SDK1: variants seen among roughly 807,000 people sequenced by gnomAD.
The protein encoded by SDK1 is protein sidekick-1.
A neutral mutation model predicts 245.5 loss-of-function variants in SDK1; 157 were observed. That is an observed-to-expected ratio of 0.64 (90% CI 0.56 to 0.73). The LOEUF is 0.73. SDK1 is among the 30% of genes least tolerant of loss of function. The probability of loss-of-function intolerance (pLI) is 0.00; values close to 1 mark genes in which losing one functional copy is unlikely to be tolerated. For missense variants in SDK1, 3,583 were observed against 3,002.3 expected (o/e 1.19, Z -4.52); for synonymous variants, 1,647 against 1,278.5 (o/e 1.29, Z -6.15).
At chr7:3,695,774 G>T (rs1784552274) in intron 4 of SDK1, among the ~76,000 whole-genome samples, 1 of 152,174 alleles carries the variant, frequency 6.6e-6, no homozygotes, top group South Asian at 2.1e-4. Flanking sequence ...AGTAAACAGA[G>T]AAGGCAACCG....
chr7:3,919,042 T>A (rs1779491952), intron 5 of SDK1, among the ~76,000 whole-genome samples: 1 of 152,206 alleles, frequency 6.6e-6, no homozygotes, highest in South Asian at 2.1e-4. Flanking sequence ...ATAATGACTG[T>A]TAACTAAATA....
rs371115110 is a variant in SDK1, at chr7:3,822,361, T to G, written c.847+778T>G. Among the ~76,000 whole-genome samples the G allele has an allele frequency of 1.3e-3, 197 of 152,322 alleles. 1 individual carries two copies. The highest frequency in any genetic ancestry group is 4.4e-3 in the African/African-American group (185 of 41,576). On this transcript the variant is annotated intron_variant, in intron 5 of 44. Transcript: ENST00000404826. ...AACTAGTCATGGCGGATGGTAAATTTCAAAATATTATTATCATATCATATG... is the reference window on the plus strand; with the variant it reads ...AACTAGTCATGGCGGATGGTAAATTGCAAAATATTATTATCATATCATATG...
At chr7:3,812,289 AACAC>A (rs1478904765) in intron 4 of SDK1, among the ~76,000 whole-genome samples, 4 of 152,372 alleles carry the variant, frequency 2.6e-5, no homozygotes, top group African/African-American at 9.6e-5. Context: ...TCATTAATTT[AACAC>A]ACATTTATCG....
chr7:4,070,166 AAAT>A (rs1780158374), intron 20 of SDK1, among the ~76,000 whole-genome samples: 3 of 152,240 alleles, frequency 2.0e-5, no homozygotes, highest in South Asian at 2.1e-4. Context: ...TAGTTGAAAG[AAAT>A]AATACTTGCA....
intron 1 of SDK1, among the ~76,000 whole-genome samples, chr7:3,462,042 G>A (rs549098911): frequency 6.6e-6 from 1 of 152,170 alleles, no homozygotes; most frequent in East Asian, 1.9e-4. Context: ...TCTTCTCTTT[G>A]CATTTACAGC....
At chr7:3,546,772 C>T (rs967454390) in intron 1 of SDK1, among the ~76,000 whole-genome samples, 5 of 152,204 alleles carry the variant, frequency 3.3e-5, no homozygotes, top group Non-Finnish European at 7.3e-5. Flanking sequence ...CTAGAAATCT[C>T]TCATATTAGT....
intron 17 of SDK1, among the ~76,000 whole-genome samples, chr7:4,029,007 G>A (rs373331748): frequency 2.0e-4 from 30 of 151,682 alleles, no homozygotes; most frequent in African/African-American, 6.3e-4. Flanking sequence ...CAGGGGTCAC[G>A]TCGGGTGTGC....
At chr7:3,878,128 T>C (rs2115144882) in intron 5 of SDK1, among the ~76,000 whole-genome samples, 1 of 152,370 alleles carries the variant, frequency 6.6e-6, no homozygotes, top group African/African-American at 2.4e-5. Context: ...ATTTTTATAG[T>C]CTTTGATAAA....
intron 4 of SDK1, among the ~76,000 whole-genome samples, chr7:3,737,218 G>T (rs902885996): frequency 1.7e-4 from 26 of 152,334 alleles, no homozygotes; most frequent in Admixed American, 1.4e-3. Context: ...AGGGCCATAG[G>T]CTGGGCTCCG....
chr7:3,953,997 C>T (rs1435360531), intron 7 of SDK1, among the ~76,000 whole-genome samples: 4 of 152,150 alleles, frequency 2.6e-5, no homozygotes, highest in African/African-American at 7.2e-5. Flanking sequence ...GGGCTGTCAC[C>T]ATGTACCTGT....
intron 5 of SDK1, among the ~76,000 whole-genome samples, chr7:3,831,130 T>C (rs887400409): frequency 6.6e-6 from 1 of 152,212 alleles, no homozygotes; most frequent in Non-Finnish European, 1.5e-5. Context: ...TTACAATCTC[T>C]GACATACATC....
intron 5 of SDK1, among the ~76,000 whole-genome samples, chr7:3,918,448 C>A (rs1053719476): frequency 5.9e-5 from 9 of 152,300 alleles, no homozygotes; most frequent in Middle Eastern, 3.4e-3. Context: ...GTTACACACG[C>A]CTTATGAGAA....
intron 1 of SDK1, among the ~76,000 whole-genome samples, chr7:3,492,769 A>G (rs1050928912): frequency 1.3e-5 from 2 of 152,176 alleles, no homozygotes; most frequent in Non-Finnish European, 2.9e-5. Flanking sequence ...CATTGGCAAT[A>G]ATGGCAAACA....
In SDK1 at chr7:4,199,145, C is replaced by A. The variant is rs779177897; in HGVS notation, c.5099-6734C>A. On this transcript the variant is annotated intron_variant, in intron 35 of 44. Transcript: ENST00000404826. ...TTTCTAAAAGGAGAATACAGTCTTT[C>A]TCCAACAGGTTGAATTTTGTGTGTA... Among the ~76,000 whole-genome samples, 3 of 152,158 alleles carry A rather than the reference C, an allele frequency of 2.0e-5. No homozygotes were observed. The South Asian group carries it at 6.2e-4, about 32-fold the overall frequency.
intron 1 of SDK1, among the ~76,000 whole-genome samples, chr7:3,417,974 C>G (rs993729661): frequency 6.6e-6 from 1 of 151,918 alleles, no homozygotes; most frequent in Admixed American, 6.6e-5. Context: ...CATTGGAACC[C>G]TTACAAGTGA....
At chr7:3,895,242 T>C (rs1439814795) in intron 5 of SDK1, among the ~76,000 whole-genome samples, 1 of 152,206 alleles carries the variant, frequency 6.6e-6, no homozygotes, top group African/African-American at 2.4e-5. Context: ...TATTTATTTA[T>C]TGGAGCCTGA....
chr7:3,613,655 A>G (rs1295340874), intron 1 of SDK1, among the ~76,000 whole-genome samples: 1 of 152,214 alleles, frequency 6.6e-6, no homozygotes, highest in Admixed American at 6.5e-5. Context: ...CACCCAGAGG[A>G]ATATAAATCG....
At chr7:4,191,402 G>C (rs1783200632) in intron 35 of SDK1, among the ~76,000 whole-genome samples, 1 of 152,246 alleles carries the variant, frequency 6.6e-6, no homozygotes, top group Admixed American at 6.5e-5. Flanking sequence ...GACAAAGGTT[G>C]TGGAGCATCG....
chr7:3,996,776 C>G (rs943163508), intron 14 of SDK1, among the ~76,000 whole-genome samples: 7 of 152,192 alleles, frequency 4.6e-5, no homozygotes, highest in Non-Finnish European at 8.8e-5. Flanking sequence ...ACGATCATAT[C>G]TTTTCCAAAT....
Sources: gnomAD v4.1 joint callset for allele counts (sites outside exome capture counted in the v4.1 genomes callset) on GRCh38, gnomAD v4.1.1 for gene constraint, MANE v1.5 for transcripts, NCBI Gene and HGNC (gene_info 2026-07-23, HGNC 2026-07-21) for gene names.